PATJ: variants seen among roughly 807,000 people sequenced by gnomAD.
PATJ encodes the protein PATJ crumbs cell polarity complex component.
A neutral mutation model predicts 224.9 loss-of-function variants in PATJ; 190 were observed. That is an observed-to-expected ratio of 0.84 (90% confidence interval 0.75 to 0.95). The LOEUF is 0.95. Among genes scored for constraint, PATJ ranks in the 40% least tolerant of loss-of-function variants. The probability of loss-of-function intolerance (pLI) is 0.00; values close to 1 mark genes in which losing one functional copy is unlikely to be tolerated. For missense variants in PATJ, 2,121 were observed against 2,270.3 expected (o/e 0.93, Z 1.34); for synonymous variants, 769 against 820.3 (o/e 0.94, Z 1.07).
intron 27 of PATJ, among the ~76,000 whole-genome samples, chr1:61,967,664 A>G (rs1004995060): frequency 2.0e-5 from 3 of 152,208 alleles, no homozygotes; most frequent in South Asian, 2.1e-4. Flanking sequence ...ATTAAATGAG[A>G]TGATTTATTT....
chr1:62,089,119 G>A (rs936492109), intron 33 of PATJ, among the ~76,000 whole-genome samples: 1 of 151,986 alleles, frequency 6.6e-6, no homozygotes, highest in Non-Finnish European at 1.5e-5. Context: ...ATAGGAAATC[G>A]GAAGAATTTC....
intron 16 of PATJ, among the ~76,000 whole-genome samples, chr1:61,828,402 T>A (rs940461173): frequency 1.4e-4 from 2 of 13,884 alleles, no homozygotes; most frequent in Admixed American, 1.6e-3. Flanking sequence ...ATGAAAAGAG[T>A]TTTTTTTTTT....
At chr1:61,841,600 C>CT (rs11424328) in intron 17 of PATJ, among the ~76,000 whole-genome samples, 131,367 of 142,224 alleles carry the variant, frequency 0.92, 60,769 homozygotes, top group East Asian at 0.98. Flanking sequence ...TTTCTCTTGC[C>CT]TTTTTTTTTT....
Position 61,797,319 on chromosome 1 carries a change from C to T in PATJ, c.1293C>T (p.Asn431=). ...GCGTGAACATTCAGGGTTTTGCCAA[C>T]CATGATGTTGTTGAAGTATTACGAA... The part of the protein sequence containing the change: ...VDGVNIQGFA[N]HDVVEVLRNA... The change falls in exon 11 of 44, where the codon AAC becomes AAT. Residue 431 remains asparagine, a synonymous_variant. Transcript: ENST00000642238. 1 of 1,613,720 alleles carries T rather than the reference C, an allele frequency of 6.2e-7. No homozygotes were observed. The highest frequency in any genetic ancestry group is 8.5e-7 in the Non-Finnish European group (1 of 1,179,634).
intron 27 of PATJ, among the ~76,000 whole-genome samples, chr1:61,945,688 C>A (rs1178328233): frequency 1.4e-4 from 21 of 152,272 alleles, no homozygotes; most frequent in African/African-American, 4.3e-4. Flanking sequence ...ATATCCAGGA[C>A]TTGAACTCAG....
At chr1:61,976,776 C>A (rs1267705434) in intron 27 of PATJ, among the ~76,000 whole-genome samples, 1 of 151,976 alleles carries the variant, frequency 6.6e-6, no homozygotes, top group African/African-American at 2.4e-5. Flanking sequence ...TCAGCAAATT[C>A]TCCCATATGT....
rs1242643564 is a variant in PATJ at position 61,861,292 on chromosome 1, T to C, written c.2323-259T>C. Among the ~76,000 whole-genome samples, 713 of 140,828 alleles carry C rather than the reference T, an allele frequency of 5.1e-3. 10 individuals are homozygous for C. Among genetic ancestry groups the C allele is most frequent in the African/African-American group, 0.018 (689 of 39,138 alleles). The allele number at this position is 140,828 out of a possible 152,430, so 92.4% of individuals were successfully genotyped here. A position where few individuals can be genotyped will look rare whatever the true frequency, so the allele number is the denominator to read the frequency against. ...GGATATTTTCTTTCTTTCTTTTTTT[T>C]TTTTTTTTTTTTTTTACGTGAATGA... On this transcript the variant is annotated intron_variant, in intron 18 of 43. Coordinates refer to ENST00000642238, the MANE Select transcript of PATJ (RefSeq NM_001350145.3).
chr1:61,789,944 A>G (rs745663035), intron 8 of PATJ, among the ~76,000 whole-genome samples: 5 of 152,344 alleles, frequency 3.3e-5, no homozygotes, highest in Non-Finnish European at 7.3e-5. Context: ...GATCCAATCA[A>G]TTATTTACTT....
chr1:62,035,631 T>C (rs1349189701), intron 29 of PATJ, among the ~76,000 whole-genome samples: 1 of 125,772 alleles, frequency 8.0e-6, no homozygotes, highest in Non-Finnish European at 1.6e-5. Context: ...TTTTTTTCAA[T>C]AACTATGTTA....
At chr1:61,811,842 A>C (rs1341053549) in intron 14 of PATJ, among the ~76,000 whole-genome samples, 1 of 151,190 alleles carries the variant, frequency 6.6e-6, no homozygotes, top group Non-Finnish European at 1.5e-5. Flanking sequence ...TGGGTGGATC[A>C]CGAGGTCAGG....
At chr1:61,993,204 G>A (rs527468256) in intron 28 of PATJ, among the ~76,000 whole-genome samples, 34 of 152,280 alleles carry the variant, frequency 2.2e-4, no homozygotes, top group Admixed American at 2.2e-3. Flanking sequence ...TGCTAGGGTG[G>A]CTCACACAAG....
intron 27 of PATJ, among the ~76,000 whole-genome samples, chr1:61,988,100 G>A (rs537609005): frequency 1.3e-5 from 2 of 152,298 alleles, no homozygotes; most frequent in African/African-American, 4.8e-5. Context: ...TCAGGAGGCT[G>A]AGGCACAAGA....
At chr1:61,961,340 C>T (rs1403117755) in intron 27 of PATJ, among the ~76,000 whole-genome samples, 2 of 152,080 alleles carry the variant, frequency 1.3e-5, no homozygotes, top group Non-Finnish European at 2.9e-5. Context: ...AAACTTAGCT[C>T]TCTGACATCT....
Position 62,135,626 on chromosome 1 carries a change from A to G in PATJ, c.5271+6681A>G, listed in dbSNP as rs72677968. ...AAAGTTGAAATGAACACCTAGCCCA[A>G]GTTAGGTAGGAGAGGTAGGCTGTAG... On this transcript the variant is annotated intron_variant, in intron 41 of 43. Transcript: ENST00000642238. Among the ~76,000 whole-genome samples the G allele has an allele frequency of 2.0e-3, 299 of 152,156 alleles. 4 individuals carry two copies. The highest frequency in any genetic ancestry group is 1.6e-3 in the Non-Finnish European group (111 of 67,980).
chr1:62,064,410 C>T (rs1656054907), intron 31 of PATJ, among the ~76,000 whole-genome samples: 1 of 151,586 alleles, frequency 6.6e-6, no homozygotes, highest in Admixed American at 6.6e-5. Flanking sequence ...CTCACTGCAA[C>T]CTCCACCTCC....
At chr1:61,975,455 AT>A (rs113575104) in intron 27 of PATJ, among the ~76,000 whole-genome samples, 18 of 151,828 alleles carry the variant, frequency 1.2e-4, no homozygotes, top group Middle Eastern at 3.4e-3. Flanking sequence ...AGTATTCAGA[AT>A]TTTTTTTTAA....
At chr1:61,871,467 GTATA>G (rs373852075) in intron 20 of PATJ, among the ~76,000 whole-genome samples, 19 of 55,268 alleles carry the variant, frequency 3.4e-4, no homozygotes, top group Non-Finnish European at 5.8e-4. Flanking sequence ...GTATATATAT[GTATA>G]TACATATATA....
chr1:61,905,411 T>C (rs1557854488), intron 24 of PATJ, among the ~76,000 whole-genome samples: 1 of 152,270 alleles, frequency 6.6e-6, no homozygotes, highest in Non-Finnish European at 1.5e-5. Context: ...GATTTCAAGA[T>C]ATGAATTGTG....
intron 17 of PATJ, 25 bp downstream of exon 17, chr1:61,833,810 T>C (rs747422303): frequency 1.9e-6 from 3 of 1,601,728 alleles, no homozygotes; most frequent in Non-Finnish European, 2.6e-6. Context: ...GTAGAGGTGT[T>C]TTCTTTGGAG....
Sources: gnomAD v4.1 joint callset for allele counts (sites outside exome capture counted in the v4.1 genomes callset) on GRCh38, gnomAD v4.1.1 for gene constraint, MANE v1.5 for transcripts, NCBI Gene and HGNC (gene_info 2026-07-23, HGNC 2026-07-21) for gene names.